The following SYNRG variants were observed in gnomAD, a reference collection of about 807,000 sequenced individuals.
The protein encoded by SYNRG is synergin gamma, also known as AP1 gamma subunit binding protein 1.
A neutral mutation model predicts 130.9 loss-of-function variants in SYNRG; 37 were observed. The observed-to-expected ratio is 0.28, with a 90% CI of 0.22 to 0.37. SYNRG has a LOEUF of 0.37. Among genes scored for constraint, SYNRG ranks in the 10% least tolerant of loss-of-function variants. The probability of loss-of-function intolerance (pLI) is 1.00; values close to 1 mark genes in which losing one functional copy is unlikely to be tolerated. For missense variants in SYNRG, 1,338 were observed against 1,588.9 expected (o/e 0.84, Z 2.68); for synonymous variants, 539 against 568.1 (o/e 0.95, Z 0.73).
chr17:37,556,688 T>C (rs995136344), intron 13 of SYNRG, among the ~76,000 whole-genome samples: 1 of 152,152 alleles, frequency 6.6e-6, no homozygotes, highest in Non-Finnish European at 1.5e-5. Flanking sequence ...CTGTAATTTA[T>C]ATTTGTAAGA....
intron 14 of SYNRG, 29 bp from the exon 15 acceptor site, chr17:37,542,594 G>C: frequency 1.9e-6 from 3 of 1,577,376 alleles, no homozygotes; most frequent in Non-Finnish European, 2.6e-6. Context: ...CCCACAATTA[G>C]AGGCAAGCAA....
rs182046325 is a variant in SYNRG at position 37,558,772 on chromosome 17, T to C, written c.1663+2423A>G. On this transcript the variant is annotated intron_variant, in intron 13 of 21. Transcript: ENST00000612223. ...TTGAACACTGGCGTCTTGACGTCTGTATCCTTGAACATACTAAGTGAGCAT... is the reference window on the plus strand; with the variant it reads ...TTGAACACTGGCGTCTTGACGTCTGCATCCTTGAACATACTAAGTGAGCAT... Among the ~76,000 whole-genome samples the C allele has an allele frequency of 4.8e-3, 724 of 152,340 alleles. 6 individuals carry two copies. Among genetic ancestry groups the C allele is most frequent in the Middle Eastern group, 0.037 (11 of 294 alleles).
At chr17:37,558,627 C>T (rs1476901876) in intron 13 of SYNRG, among the ~76,000 whole-genome samples, 1 of 152,196 alleles carries the variant, frequency 6.6e-6, no homozygotes, top group African/African-American at 2.4e-5. Flanking sequence ...ATCCCTCTCT[C>T]TTCATCTTTC....
At chr17:37,609,207 G>C in intron 1 of SYNRG, 72 bp downstream of exon 1, 1 of 1,353,580 alleles carries the variant, frequency 7.4e-7, no homozygotes, top group South Asian at 1.7e-5. Context: ...GGAGAAAACT[G>C]CCATAACTGC....
intron 2 of SYNRG, among the ~76,000 whole-genome samples, chr17:37,598,190 G>C (rs1168204288): frequency 6.6e-6 from 1 of 152,188 alleles, no homozygotes; most frequent in Non-Finnish European, 1.5e-5. Flanking sequence ...ATGTCAGGTG[G>C]TGATAAGAGC....
At chr17:37,561,895 G>T (rs142381004) in intron 11 of SYNRG, among the ~76,000 whole-genome samples, 1 of 120,596 alleles carries the variant, frequency 8.3e-6, no homozygotes, top group East Asian at 2.3e-4. Context: ...AACTGGAATG[G>T]CGTTGGAAGT....
intron 1 of SYNRG, chr17:37,605,688 A>T: frequency 3.3e-6 from 1 of 298,674 alleles, no homozygotes; most frequent in Non-Finnish European, 4.9e-6. Flanking sequence ...ATAAGCAGTT[A>T]AGGCATTAAT....
intron 11 of SYNRG, among the ~76,000 whole-genome samples, chr17:37,565,773 G>GCGA (rs2059909761): frequency 7.0e-6 from 1 of 142,430 alleles, no homozygotes; most frequent in Non-Finnish European, 1.5e-5. Context: ...CTGCCCGGCC[G>GCGA]CCCCGTCTGA....
chr17:37,525,648 C>T (rs2144000250), intron 19 of SYNRG, among the ~76,000 whole-genome samples: 1 of 152,220 alleles, frequency 6.6e-6, no homozygotes, highest in South Asian at 2.1e-4. Context: ...GCCTGGCCAA[C>T]ATGGCAAAGC....
At chr17:37,591,570 G>A (rs1416409757) in intron 3 of SYNRG, among the ~76,000 whole-genome samples, 1 of 152,204 alleles carries the variant, frequency 6.6e-6, no homozygotes. Context: ...CTACCGTCAT[G>A]AAGACTGTGT....
At chr17:37,546,266 A>G (rs2058267261) in intron 14 of SYNRG, among the ~76,000 whole-genome samples, 1 of 152,122 alleles carries the variant, frequency 6.6e-6, no homozygotes, top group Non-Finnish European at 1.5e-5. Context: ...GAAAATTGCA[A>G]GAGAAAAAGG....
rs1427881820 is a variant in SYNRG, at chr17:37,600,689, G to T, written c.78-286C>A. 3 of 528,926 alleles carry T rather than the reference G, an allele frequency of 5.7e-6. No homozygotes were observed. The African/African-American group carries it at 5.8e-5, about 10-fold the overall frequency. The allele number at this position is 528,926 out of a possible 1,614,324, so 32.8% of individuals were successfully genotyped here. The stretch of plus-strand genomic sequence containing the variant: ...ATTCCAGTTTCCCCATCTATAAAAT[G>T]AGAGAGTTTAGATTCAATTCAGTCA... On this transcript the variant is annotated intron_variant, in intron 1 of 21. Transcript: ENST00000612223.
At chr17:37,540,343 T>C in intron 16 of SYNRG, 37 bp downstream of exon 16, 1 of 1,604,690 alleles carries the variant, frequency 6.2e-7, no homozygotes, top group South Asian at 1.1e-5. Flanking sequence ...TGCTTGCTGG[T>C]CTGTTACCCA....
intron 6 of SYNRG, among the ~76,000 whole-genome samples, chr17:37,580,828 C>G (rs1355518682): frequency 1.3e-5 from 2 of 152,002 alleles, no homozygotes; most frequent in East Asian, 3.9e-4. Context: ...TCCCCACGCC[C>G]AGCCCAATTT....
At chr17:37,522,365 A>G (rs1322499457) in intron 19 of SYNRG, among the ~76,000 whole-genome samples, 2 of 151,954 alleles carry the variant, frequency 1.3e-5, no homozygotes, top group Admixed American at 6.6e-5. Context: ...TTATCTCCCT[A>G]TGTTGCCCAG....
intron 3 of SYNRG, among the ~76,000 whole-genome samples, chr17:37,594,191 T>C (rs1331232002): frequency 8.0e-6 from 1 of 125,308 alleles, no homozygotes; most frequent in Non-Finnish European, 1.6e-5. Context: ...ATTAATTATT[T>C]TAATTATATT....
chr17:37,600,047 G>A (rs1268445301), intron 2 of SYNRG, among the ~76,000 whole-genome samples: 1 of 152,168 alleles, frequency 6.6e-6, no homozygotes, highest in Non-Finnish European at 1.5e-5. Context: ...GTGAATTACA[G>A]CTCGTTTCAT....
intron 21 of SYNRG, among the ~76,000 whole-genome samples, chr17:37,519,476 G>A (rs1952605406): frequency 6.6e-6 from 1 of 152,148 alleles, no homozygotes; most frequent in African/African-American, 2.4e-5. Flanking sequence ...CACTCCTGTA[G>A]CTGACCACAA....
chr17:37,530,862 T>C (rs17138637), intron 19 of SYNRG, among the ~76,000 whole-genome samples: 12,656 of 152,264 alleles, frequency 0.083, 601 homozygotes, highest in African/African-American at 0.13. Flanking sequence ...ACAAAAAATG[T>C]CTGGTAGCTT....
Sources: gnomAD v4.1 joint callset for allele counts (sites outside exome capture counted in the v4.1 genomes callset) on GRCh38, gnomAD v4.1.1 for gene constraint, MANE v1.5 for transcripts, NCBI Gene and HGNC (gene_info 2026-07-23, HGNC 2026-07-21) for gene names.